The following SEMA4A variants were observed in gnomAD, a reference collection of about 807,000 sequenced individuals.
SEMA4A encodes the protein semaphorin 4A.
A neutral mutation model predicts 72.5 loss-of-function variants in SEMA4A; 52 were observed. The observed-to-expected ratio is 0.72, with a 90% CI of 0.57 to 0.90. The LOEUF (loss-of-function observed/expected upper bound fraction) is 0.90. Ranked by LOEUF, SEMA4A falls within the 40% of genes least tolerant of loss-of-function variation. The pLI is 0.00. For synonymous variants in SEMA4A, 369 were observed against 393.1 expected (o/e 0.94, Z 0.73); for missense variants, 926 against 959.7 (o/e 0.96, Z 0.46).
chr1:156,171,854 G>A (rs1216197662), intron 10 of SEMA4A, among the ~76,000 whole-genome samples: 1 of 151,896 alleles, frequency 6.6e-6, no homozygotes, highest in Non-Finnish European at 1.5e-5. Flanking sequence ...CGCAATCTCG[G>A]CTCACTGCAA....
rs1655357358 is a variant in SEMA4A, at chr1:156,176,578, C to A, written c.1867C>A (p.Gln623Lys). The A allele has an allele frequency of 6.2e-7, 1 of 1,614,050 alleles. No homozygotes were observed. The highest frequency in any genetic ancestry group is 1.3e-5 in the African/African-American group (1 of 74,902). Residue 623 changes from glutamine (Q) to lysine (K), a missense_variant, in exon 15 of 15, where the codon CAG (glutamine) becomes AAG (lysine). Physicochemically the swap from Gln to Lys is moderately conservative, Grantham distance 53. Transcript: ENST00000368285. The part of the protein sequence containing the change: ...IVQDGVGGLY[Q>K]CWATENGFSY... Reference sequence around the variant, plus strand: ...GCAGGATGGAGTTGGGGGTCTCTACCAGTGCTGGGCAACTGAGAATGGCTT... The same window carrying A: ...GCAGGATGGAGTTGGGGGTCTCTACAAGTGCTGGGCAACTGAGAATGGCTT...
chr1:156,155,831 G>C (rs540371376), intron 2 of SEMA4A: 1 of 181,964 alleles, frequency 5.5e-6, no homozygotes, highest in South Asian at 1.2e-4. Flanking sequence ...GAGGACCTAG[G>C]TGAGCCTCCC....
At chr1:156,159,027 G>A (rs1432958459) in intron 6 of SEMA4A, 9 of 335,088 alleles carry the variant, frequency 2.7e-5, no homozygotes, top group Admixed American at 1.0e-4. Context: ...CAGCGAGATC[G>A]TCTCAAAAAA....
upstream of SEMA4A, among the ~76,000 whole-genome samples, chr1:156,150,918 G>A (rs1652485806): frequency 6.6e-6 from 1 of 152,104 alleles, no homozygotes; most frequent in Non-Finnish European, 1.5e-5. Flanking sequence ...AATGGGCTGG[G>A]GGAAACCCCA....
Position 156,172,972 on chromosome 1 carries a change from T to C in SEMA4A, c.1281T>C (p.Asp427=), listed in dbSNP as rs1654948897. The change falls in exon 11 of 15, where the codon GAT becomes GAC. Residue 427 remains aspartate (D), a synonymous_variant. Coordinates refer to ENST00000368285, the MANE Select transcript of SEMA4A (RefSeq NM_022367.4). ...RLAVETAQGL[D]GHSHLVMYLG... Reference sequence around the variant, plus strand: ...CAGTGGAGACAGCCCAGGGCCTTGATGGGCACAGCCATCTTGTCATGTACC... The same window carrying C: ...CAGTGGAGACAGCCCAGGGCCTTGACGGGCACAGCCATCTTGTCATGTACC... 14 of 1,613,986 alleles carry C rather than the reference T, an allele frequency of 8.7e-6. No homozygotes were observed. Among genetic ancestry groups the C allele is most frequent in the African/African-American group, 2.7e-5 (2 of 74,932 alleles).
intron 10 of SEMA4A, among the ~76,000 whole-genome samples, 164 bp from the exon 11 acceptor site, chr1:156,172,662 G>T (rs1016342517): frequency 6.6e-6 from 1 of 152,198 alleles, no homozygotes; most frequent in Non-Finnish European, 1.5e-5. Context: ...GCATGCAGAG[G>T]CTGGGACGCA....
At chr1:156,163,142 G>A in intron 10 of SEMA4A, 48 bp downstream of exon 10, 1 of 1,608,294 alleles carries the variant, frequency 6.2e-7, no homozygotes, top group South Asian at 1.1e-5. Context: ...TACATAATGT[G>A]CATGAAAAAA....
chr1:156,169,979 C>G (rs921391616), intron 10 of SEMA4A, among the ~76,000 whole-genome samples: 1 of 151,344 alleles, frequency 6.6e-6, no homozygotes, highest in East Asian at 2.0e-4. Flanking sequence ...GAGCCGAGAT[C>G]GTGCCACTGC....
At chr1:156,149,606 T>G (rs902080788), upstream of SEMA4A, 2 of 152,228 alleles carry the variant, frequency 1.3e-5, no homozygotes, top group Non-Finnish European at 2.9e-5. Context: ...ATTGGCAAAC[T>G]GAATTTGCAT....
At chr1:156,176,260 C>T in intron 14 of SEMA4A, 145 bp from the exon 15 acceptor site, 1 of 663,740 alleles carries the variant, frequency 1.5e-6, no homozygotes, top group Non-Finnish European at 2.6e-6. Context: ...TGTGCCACTG[C>T]ACTCCAGCCT....
At chr1:156,173,051 G>C in intron 11 of SEMA4A, 45 bp downstream of exon 11, 4 of 1,587,676 alleles carry the variant, frequency 2.5e-6, no homozygotes, top group Non-Finnish European at 2.6e-6. Flanking sequence ...CTAGAGCAGA[G>C]GATGCCCCCA....
upstream of SEMA4A, among the ~76,000 whole-genome samples, chr1:156,148,588 G>C (rs1652277166): frequency 6.6e-6 from 1 of 152,150 alleles, no homozygotes; most frequent in Non-Finnish European, 1.5e-5. Context: ...ATACTATGAA[G>C]TCTGGCGGAG....
upstream of SEMA4A, among the ~76,000 whole-genome samples, chr1:156,148,068 G>T (rs545197211): frequency 6.6e-6 from 1 of 152,314 alleles, no homozygotes; most frequent in African/African-American, 2.4e-5. Flanking sequence ...AGCCAGGTAG[G>T]ATCTATAGGC....
upstream of SEMA4A, chr1:156,149,852 C>CATGTG (rs1652392451): frequency 6.6e-6 from 1 of 152,374 alleles, no homozygotes; most frequent in South Asian, 2.1e-4. Flanking sequence ...TCCTCCTCCA[C>CATGTG]ATGTGCGAAT....
chr1:156,172,741 G>A (rs1237400486), intron 10 of SEMA4A, 85 bp from the exon 11 acceptor site: 1 of 1,269,894 alleles, frequency 7.9e-7, no homozygotes, highest in East Asian at 2.3e-5. Flanking sequence ...GAGGGAGGGG[G>A]TAAAGGGAGA....
rs71591932 is a variant in SEMA4A, at chr1:156,172,096, GTTTATTTA to G, written c.1135-698_1135-691del. 9.5e-3 allele frequency among the ~76,000 whole-genome samples: 686 copies of G among 71,856 alleles called. 4 individuals are homozygous for G. The highest frequency in any genetic ancestry group is 0.034 in the African/African-American group (666 of 19,816). 47.1% of individuals were successfully genotyped at this position (71,856 alleles called of 152,430 possible). A position where few individuals can be genotyped will look rare whatever the true frequency, so the allele number is the denominator to read the frequency against. ...ACTGTGCCCGGCTGTTTGTTTGTTT[GTTTATTTA>G]TTTATTTATTTATTTATTTATTTAT... On this transcript the variant is annotated intron_variant, in intron 10 of 14. Transcript: ENST00000368285.
rs749715293 is a variant in SEMA4A at position 156,163,110 on chromosome 1, C to T, written c.1134+16C>T. The stretch of plus-strand genomic sequence containing the variant: ...GCCAGGCAGTGTGAGTACTACCCCC[C>T]ACACTGAGCACAGTCTACACATACA... On this transcript the variant is annotated intron_variant, in intron 10 of 14. Transcript: ENST00000368285. 3.1e-6 allele frequency: 5 copies of T among 1,606,742 alleles called. No homozygotes were observed. Among genetic ancestry groups the T allele is most frequent in the South Asian group, 2.2e-5 (2 of 90,922 alleles).
intron 10 of SEMA4A, among the ~76,000 whole-genome samples, chr1:156,168,942 G>A (rs781212097): frequency 7.9e-5 from 12 of 152,126 alleles, no homozygotes; most frequent in Admixed American, 1.3e-4. Flanking sequence ...ATCATGTAGT[G>A]TACTTACCTT....
chr1:156,163,237 T>G, intron 10 of SEMA4A, 143 bp downstream of exon 10: 1 of 884,774 alleles, frequency 1.1e-6, no homozygotes, highest in South Asian at 1.5e-5. Context: ...ACACCTGGTA[T>G]AGCTGCCTAT....
Sources: allele counts gnomAD v4.1 joint callset (sites outside exome capture counted in the v4.1 genomes callset), GRCh38; gene constraint gnomAD v4.1.1; transcripts MANE v1.5; gene names NCBI Gene and HGNC (gene_info 2026-07-23, HGNC 2026-07-21).